Variants in USP48 observed in about 807,000 individuals in gnomAD.
USP48 encodes ubiquitin carboxyl-terminal hydrolase 48.
In USP48, 43 loss-of-function variants were observed where a neutral mutation model predicts 150.7. That is an observed-to-expected ratio of 0.29 (90% CI 0.22 to 0.37). USP48 has a LOEUF of 0.37. Ranked by LOEUF, USP48 falls within the 10% of genes least tolerant of loss-of-function variation. The probability of loss-of-function intolerance (pLI) is 1.00; values close to 1 mark genes in which losing one functional copy is unlikely to be tolerated. For synonymous variants in USP48, 396 were observed against 425.9 expected (o/e 0.93, Z 0.86); for missense variants, 813 against 1,249.6 (o/e 0.65, Z 5.27).
At chr1:21,726,577 T>G (rs2097737710) in intron 11 of USP48, 1 of 152,176 alleles carries the variant, frequency 6.6e-6, no homozygotes, top group Non-Finnish European at 1.5e-5. Flanking sequence ...AGTCTGTCTT[T>G]CTTTCCATTT....
chr1:21,774,079 T>A (rs2097890216), intron 1 of USP48, among the ~76,000 whole-genome samples: 1 of 151,974 alleles, frequency 6.6e-6, no homozygotes, highest in African/African-American at 2.4e-5. Context: ...CTCGGGAGGC[T>A]GAGGCAGGAG....
chr1:21,757,218 T>C (rs1025321626), intron 2 of USP48, among the ~76,000 whole-genome samples: 8 of 152,102 alleles, frequency 5.3e-5, no homozygotes, highest in Admixed American at 4.6e-4. Context: ...TATCTATATA[T>C]AACAAACTTG....
At chr1:21,748,313 G>C in intron 6 of USP48, 42 bp from the exon 7 acceptor site, 1 of 1,553,552 alleles carries the variant, frequency 6.4e-7, no homozygotes, top group Non-Finnish European at 8.7e-7. Flanking sequence ...AAGAAGATGG[G>C]TTTAAAACAA....
chr1:21,774,803 C>T (rs2097893204), intron 1 of USP48, among the ~76,000 whole-genome samples: 1 of 151,608 alleles, frequency 6.6e-6, no homozygotes, highest in Admixed American at 6.6e-5. Context: ...ACCAGCCTGG[C>T]CAACATGGTG....
chr1:21,718,959 AACATT>A, intron 14 of USP48, among the ~76,000 whole-genome samples: 1 of 152,198 alleles, frequency 6.6e-6, no homozygotes, highest in African/African-American at 2.4e-5. Context: ...AGCACAATAA[AACATT>A]TTAATCAAAA....
Position 21,703,569 on chromosome 1 carries a change from G to T in USP48, c.2565C>A (p.Asp855Glu). Residue 855 changes from aspartate to glutamate, a missense_variant, in exon 21 of 27, where the codon GAC (aspartate) becomes GAA (glutamate). By Grantham distance (45) the Asp-to-Glu change is conservative (BLOSUM62 2). Coordinates refer to ENST00000308271, the MANE Select transcript of USP48 (RefSeq NM_032236.8). ...TGGTGGCTTGAGTGTATTCACGCAGGTCCCTCTGCTGCTGACACAATAAGC... is the reference window on the plus strand; with the variant it reads ...TGGTGGCTTGAGTGTATTCACGCAGTTCCCTCTGCTGCTGACACAATAAGC... ...REGLLCQQQR[D>E]LREYTQATIY... The T allele has an allele frequency of 6.2e-7, 1 of 1,612,196 alleles. No homozygotes were observed.
At chr1:21,726,992 C>T (rs1202776778) in intron 11 of USP48, among the ~76,000 whole-genome samples, 1 of 151,616 alleles carries the variant, frequency 6.6e-6, no homozygotes, top group Non-Finnish European at 1.5e-5. Flanking sequence ...GAACATGACA[C>T]ATTTTCTTTG....
At chr1:21,779,178 C>T (rs1282183535) in intron 1 of USP48, among the ~76,000 whole-genome samples, 1 of 152,014 alleles carries the variant, frequency 6.6e-6, no homozygotes, top group Non-Finnish European at 1.5e-5. Flanking sequence ...TTCAAGGCTG[C>T]AGTGAGCCAT....
At chr1:21,767,674 C>T (rs12122128) in intron 1 of USP48, among the ~76,000 whole-genome samples, 120,460 of 151,148 alleles carry the variant, frequency 0.8, 49,072 homozygotes, top group Admixed American at 0.88. Flanking sequence ...GGTCTCACTA[C>T]GTTGCCTGCT....
At chr1:21,760,232 G>C (rs1444217546) in intron 1 of USP48, among the ~76,000 whole-genome samples, 2 of 152,178 alleles carry the variant, frequency 1.3e-5, no homozygotes, top group Non-Finnish European at 2.9e-5. Flanking sequence ...AAACCAAAGA[G>C]ACACAACTGA....
At chr1:21,750,726 A>C (rs184863900) in intron 6 of USP48, among the ~76,000 whole-genome samples, 219 of 151,406 alleles carry the variant, frequency 1.4e-3, no homozygotes, top group African/African-American at 3.0e-3. Flanking sequence ...TACACACACA[A>C]AAAAAATTAG....
chr1:21,687,290 A>T, intron 24 of USP48, 51 bp from the exon 25 acceptor site: 1 of 1,540,690 alleles, frequency 6.5e-7, no homozygotes, highest in African/African-American at 1.4e-5. Context: ...GGGAGTCTGA[A>T]ATTTGAAGTA....
At chr1:21,767,507 T>C (rs563150211) in intron 1 of USP48, among the ~76,000 whole-genome samples, 1 of 151,994 alleles carries the variant, frequency 6.6e-6, no homozygotes. Context: ...GTATTTTTAG[T>C]AGAGATGGAG....
At chr1:21,752,963 T>TA (rs1557572104) in intron 4 of USP48, 29 bp downstream of exon 4, 65 of 1,559,240 alleles carry the variant, frequency 4.2e-5, no homozygotes, top group South Asian at 9.8e-5. Context: ...CTCTGAATAT[T>TA]TAAAAAAAAA....
chr1:21,757,046 G>T (rs1238269689), intron 2 of USP48: 2 of 950,824 alleles, frequency 2.1e-6, no homozygotes, highest in Non-Finnish European at 2.5e-6. Context: ...TTTCTAAACT[G>T]CCAGCATTCA....
chr1:21,756,439 C>A (rs2097835197), intron 3 of USP48, 107 bp downstream of exon 3: 1 of 1,314,442 alleles, frequency 7.6e-7, no homozygotes, highest in Non-Finnish European at 1.0e-6. Flanking sequence ...CGAGATGGCG[C>A]CACTTCACTC....
chr1:21,715,440 T>C lies in USP48; in HGVS notation c.1912A>G (p.Arg638Gly), dbSNP rs777776637. The change falls in exon 15 of 27, where the codon AGA becomes GGA. Residue 638 changes from arginine (R) to glycine (G), a missense_variant. Physicochemically the swap from Arg to Gly is moderately radical, Grantham distance 125 (BLOSUM62 -2). Transcript: ENST00000308271. Reference sequence around the variant, plus strand: ...AAATTTAATTCCTCCTCTTCTTTTCTTTCTTCCTTTGATTCATCTAATCAA... The same window carrying C: ...AAATTTAATTCCTCCTCTTCTTTTCCTTCTTCCTTTGATTCATCTAATCAA... ...TLNKDESKEE[R>G]KEEEELNFNE... 6.3e-7 allele frequency: 1 copy of C among 1,584,352 alleles called. No individual in the cohort carries two copies. The highest frequency in any genetic ancestry group is 8.7e-7 in the Non-Finnish European group (1 of 1,154,422).
intron 15 of USP48, 36 bp from the exon 16 acceptor site, chr1:21,706,904 A>C (rs751315106): frequency 4.8e-5 from 73 of 1,533,798 alleles, no homozygotes; most frequent in South Asian, 3.3e-4. Flanking sequence ...AAAAAAAAAA[A>C]CAGCTGAAAA....
intron 9 of USP48, 116 bp from the exon 10 acceptor site, chr1:21,729,948 T>G: frequency 8.1e-7 from 1 of 1,241,070 alleles, no homozygotes; most frequent in Non-Finnish European, 1.1e-6. Context: ...TTAACACCAA[T>G]CTAAAACATT....
Sources: allele counts gnomAD v4.1 joint callset (sites outside exome capture counted in the v4.1 genomes callset), GRCh38; gene constraint gnomAD v4.1.1; transcripts MANE v1.5; gene names NCBI Gene and HGNC (gene_info 2026-07-23, HGNC 2026-07-21).